GABBR2: variants seen among roughly 807,000 people sequenced by gnomAD.
The protein encoded by GABBR2 is gamma-aminobutyric acid type B receptor subunit 2, also known as G-protein coupled receptor 51.
Under a neutral mutation model 105.6 loss-of-function variants are expected in GABBR2, and 23 were observed. That is an observed-to-expected ratio of 0.22 (90% CI 0.16 to 0.31). The LOEUF is 0.31. GABBR2 is among the 10% of genes least tolerant of loss of function. GABBR2 has a pLI of 1.00. For missense variants in GABBR2, 734 were observed against 1,245.5 expected (o/e 0.59, Z 6.18); for synonymous variants, 478 against 499.7 (o/e 0.96, Z 0.58).
chr9:98,625,220 C>G (rs1431842676), intron 1 of GABBR2, among the ~76,000 whole-genome samples: 1 of 152,214 alleles, frequency 6.6e-6, no homozygotes, highest in African/African-American at 2.4e-5. Flanking sequence ...CGCTTGTGCT[C>G]CCTCCAGGCT....
intron 13 of GABBR2, among the ~76,000 whole-genome samples, chr9:98,350,175 C>CT (rs1831372661): frequency 1.4e-5 from 1 of 71,180 alleles, no homozygotes; most frequent in Non-Finnish European, 3.1e-5. Context: ...ATTTTATCTT[C>CT]TCAAAAAAAA....
At chr9:98,335,764 C>T (rs1283150238) in intron 13 of GABBR2, among the ~76,000 whole-genome samples, 2 of 152,206 alleles carry the variant, frequency 1.3e-5, no homozygotes, top group African/African-American at 4.8e-5. Context: ...ATAGTTCAAT[C>T]CAGCTACTGA....
chr9:98,624,875 T>G (rs990670586), intron 1 of GABBR2, among the ~76,000 whole-genome samples: 2 of 152,154 alleles, frequency 1.3e-5, no homozygotes, highest in African/African-American at 2.4e-5. Flanking sequence ...CAAAGGCTTT[T>G]CTCTCTCTGG....
intron 7 of GABBR2, among the ~76,000 whole-genome samples, chr9:98,441,807 A>G (rs1446118686): frequency 6.6e-6 from 1 of 152,256 alleles, no homozygotes; most frequent in African/African-American, 2.4e-5. Context: ...AAAACAGTAA[A>G]CATTATTTTA....
At chr9:98,635,242 C>G (rs563083907) in intron 1 of GABBR2, among the ~76,000 whole-genome samples, 1 of 152,224 alleles carries the variant, frequency 6.6e-6, no homozygotes, top group Non-Finnish European at 1.5e-5. Flanking sequence ...CCCAGAACTT[C>G]TAGCAACCAC....
intron 5 of GABBR2, among the ~76,000 whole-genome samples, chr9:98,473,849 A>T (rs999286284): frequency 6.6e-6 from 1 of 152,236 alleles, no homozygotes; most frequent in African/African-American, 2.4e-5. Flanking sequence ...TATCAACACA[A>T]CTTCTACAAC....
intron 3 of GABBR2, among the ~76,000 whole-genome samples, chr9:98,514,568 A>G (rs1233189267): frequency 6.8e-6 from 1 of 146,796 alleles, no homozygotes; most frequent in Admixed American, 7.0e-5. Context: ...CAAACACAGC[A>G]TGTTCTCACT....
chr9:98,689,851 T>C (rs1830663798), intron 1 of GABBR2, among the ~76,000 whole-genome samples: 1 of 152,232 alleles, frequency 6.6e-6, no homozygotes, highest in Admixed American at 6.5e-5. Flanking sequence ...TTATCTGTTT[T>C]TTCATGTGGG....
intron 2 of GABBR2, among the ~76,000 whole-genome samples, chr9:98,566,885 G>A (rs1414205869): frequency 1.3e-5 from 2 of 151,800 alleles, no homozygotes; most frequent in Non-Finnish European, 2.9e-5. Context: ...CATGCCTGCT[G>A]GGTGCCCAGC....
rs140703368 is a variant in GABBR2, at chr9:98,437,352, C to A, written c.1236+16629G>T. ...CATTCATCTATGCCTGTCCACAAAC[C>A]TGCCTAGCTATCCACCTGCTATCAT... On this transcript the variant is annotated intron_variant, in intron 7 of 18. Coordinates refer to ENST00000259455, the MANE Select transcript of GABBR2 (RefSeq NM_005458.8). Among the ~76,000 whole-genome samples, 180 of 152,160 alleles carry A rather than the reference C, an allele frequency of 1.2e-3. 1 individual carries two copies. Among genetic ancestry groups the A allele is most frequent in the African/African-American group, 3.9e-3 (161 of 41,490 alleles).
intron 1 of GABBR2, among the ~76,000 whole-genome samples, chr9:98,645,765 A>G (rs1343148480): frequency 6.6e-6 from 1 of 152,212 alleles, no homozygotes; most frequent in East Asian, 1.9e-4. Flanking sequence ...TTGAACCTTC[A>G]ATAACAAAAG....
intron 1 of GABBR2, among the ~76,000 whole-genome samples, chr9:98,687,637 C>T (rs779216163): frequency 5.3e-5 from 8 of 152,276 alleles, no homozygotes; most frequent in Admixed American, 2.0e-4. Context: ...CCCCAGCCCC[C>T]GCTGTGTTCT....
At chr9:98,404,421 G>C (rs1355299689) in intron 8 of GABBR2, among the ~76,000 whole-genome samples, 1 of 152,174 alleles carries the variant, frequency 6.6e-6, no homozygotes, top group East Asian at 1.9e-4. Flanking sequence ...CACCTCTCCT[G>C]ATTGATCTGA....
intron 6 of GABBR2, among the ~76,000 whole-genome samples, chr9:98,466,034 T>C (rs796605493): frequency 3.6e-4 from 55 of 152,282 alleles, no homozygotes; most frequent in African/African-American, 1.1e-3. Context: ...ACCTCCCCCT[T>C]TGCTCTCTTC....
intron 11 of GABBR2, among the ~76,000 whole-genome samples, chr9:98,373,087 G>A (rs1450464499): frequency 6.6e-6 from 1 of 152,022 alleles, no homozygotes; most frequent in Non-Finnish European, 1.5e-5. Context: ...AAGGATGTGA[G>A]AAAAATATAC....
At chr9:98,695,602 A>G (rs1195069609) in intron 1 of GABBR2, among the ~76,000 whole-genome samples, 2 of 152,322 alleles carry the variant, frequency 1.3e-5, no homozygotes, top group Admixed American at 6.5e-5. Flanking sequence ...AGCATTTCAC[A>G]TTTTCATATG....
intron 13 of GABBR2, among the ~76,000 whole-genome samples, chr9:98,342,437 A>G (rs1831229846): frequency 6.6e-6 from 1 of 152,154 alleles, no homozygotes; most frequent in Non-Finnish European, 1.5e-5. Flanking sequence ...GCTAAGGAGT[A>G]CAGACTTCAT....
intron 1 of GABBR2, among the ~76,000 whole-genome samples, chr9:98,694,661 G>C (rs1052374979): frequency 5.9e-5 from 9 of 152,164 alleles, no homozygotes; most frequent in African/African-American, 2.2e-4. Flanking sequence ...TACTCTTTGT[G>C]TTTAGTTTCG....
At chr9:98,390,977 C>T (rs1460526890) in intron 9 of GABBR2, among the ~76,000 whole-genome samples, 1 of 152,310 alleles carries the variant, frequency 6.6e-6, no homozygotes, top group Non-Finnish European at 1.5e-5. Flanking sequence ...CTTGGTTTAT[C>T]ATGAGTATTA....
Sources: gnomAD v4.1 joint callset for allele counts (sites outside exome capture counted in the v4.1 genomes callset) on GRCh38, gnomAD v4.1.1 for gene constraint, MANE v1.5 for transcripts, NCBI Gene and HGNC (gene_info 2026-07-23, HGNC 2026-07-21) for gene names.